PXMP2: variants seen among roughly 807,000 people sequenced by gnomAD.
The protein encoded by PXMP2 is peroxisomal membrane protein 2.
PXMP2 carries 13 observed loss-of-function variants against 20.2 expected under a neutral mutation model. That is an observed-to-expected ratio of 0.64 (90% CI 0.42 to 1.02). PXMP2 has a LOEUF of 1.02. PXMP2 is among the 50% of genes least tolerant of loss of function. The probability of loss-of-function intolerance (pLI) is 0.00; values close to 1 mark genes in which losing one functional copy is unlikely to be tolerated. For missense variants in PXMP2, 284 were observed against 251.8 expected (o/e 1.13, Z -0.87); for synonymous variants, 113 against 111.2 (o/e 1.02, Z -0.10).
chr12:132,698,104 G>A (rs566296744), intron 3 of PXMP2, among the ~76,000 whole-genome samples: 1 of 151,296 alleles, frequency 6.6e-6, no homozygotes, highest in East Asian at 1.9e-4. Flanking sequence ...TTCGCCTCTT[G>A]GGTTCAAGCA....
At chr12:132,703,713 G>A (rs971298559) in intron 4 of PXMP2, among the ~76,000 whole-genome samples, 3 of 152,192 alleles carry the variant, frequency 2.0e-5, no homozygotes, top group Non-Finnish European at 2.9e-5. Context: ...CAGAGACAAA[G>A]ACCTCTGGGC....
intron 1 of PXMP2, chr12:132,688,034 C>CG (rs1340534448): frequency 4.1e-6 from 1 of 241,802 alleles, no homozygotes; most frequent in Non-Finnish European, 7.1e-6. Flanking sequence ...CGCCCAGACC[C>CG]GGGGGTCGGC....
chr12:132,702,237 C>T (rs1452662224), intron 4 of PXMP2, among the ~76,000 whole-genome samples: 1 of 152,256 alleles, frequency 6.6e-6, no homozygotes. Context: ...ATGGCAGCCA[C>T]ACCTGGGCAA....
intron 2 of PXMP2, among the ~76,000 whole-genome samples, chr12:132,694,659 T>G (rs1421638856): frequency 2.2e-3 from 265 of 119,456 alleles, no homozygotes; most frequent in African/African-American, 8.9e-3. Flanking sequence ...GTTAGTGAGC[T>G]CCCTTAGCCA....
chr12:132,687,817 CGCCGCCCCGGCCCCAGGTCG>C, intron 1 of PXMP2, 25 bp downstream of exon 1: 1 of 1,131,564 alleles, frequency 8.8e-7, no homozygotes, highest in South Asian at 4.2e-5. Context: ...GGGAATCGGA[CGCCGCCCCGGCCCCAGGTCG>C]GCCGCAGCGG....
intron 4 of PXMP2, among the ~76,000 whole-genome samples, chr12:132,704,097 A>G (rs903740647): frequency 9.9e-5 from 15 of 152,190 alleles, no homozygotes; most frequent in African/African-American, 3.1e-4. Context: ...AACCAGACAC[A>G]TGGGCTGCTA....
Position 132,701,303 on chromosome 12 carries a change from G to A in PXMP2, c.453G>A (p.Ala151=), listed in dbSNP as rs201941075. The A allele has an allele frequency of 8.1e-6, 13 of 1,612,796 alleles. No individual in the cohort carries two copies. Among genetic ancestry groups the A allele is most frequent in the East Asian group, 2.2e-5 (1 of 44,716 alleles). The part of the protein sequence containing the change: ...AAKMRGGFWP[A]LRMNWRVWTP... ...AGATGAGGGGGGGCTTCTGGCCGGC[G>A]CTGAGGATGAACTGGCGGGTGTGGA... The change falls in exon 4 of 5, where the codon GCG becomes GCA. Residue 151 remains alanine, a synonymous_variant. Coordinates refer to ENST00000317479, the MANE Select transcript of PXMP2 (RefSeq NM_018663.3).
At chr12:132,702,940 A>G (rs2043450999) in intron 4 of PXMP2, among the ~76,000 whole-genome samples, 1 of 152,202 alleles carries the variant, frequency 6.6e-6, no homozygotes, top group South Asian at 2.1e-4. Context: ...GCAGGAAACC[A>G]GGGGTGCACA....
chr12:132,703,768 G>T (rs1256127726), intron 4 of PXMP2, among the ~76,000 whole-genome samples: 1 of 152,194 alleles, frequency 6.6e-6, no homozygotes, highest in Admixed American at 6.5e-5. Context: ...ATCTGGGGAA[G>T]TGAGAAGGCA....
intron 3 of PXMP2, among the ~76,000 whole-genome samples, chr12:132,698,477 C>T (rs1468866029): frequency 6.6e-6 from 1 of 152,170 alleles, no homozygotes; most frequent in Non-Finnish European, 1.5e-5. Context: ...TATGGTTTTA[C>T]TTGTGTACAG....
At chr12:132,704,545 C>A in intron 4 of PXMP2, 74 bp from the exon 5 acceptor site, 2 of 1,195,220 alleles carry the variant, frequency 1.7e-6, no homozygotes, top group African/African-American at 1.6e-5. Flanking sequence ...AACAAATGAA[C>A]TGGGTGACTG....
intron 4 of PXMP2, among the ~76,000 whole-genome samples, chr12:132,704,164 G>A (rs1369002723): frequency 2.0e-5 from 3 of 152,184 alleles, no homozygotes; most frequent in African/African-American, 7.2e-5. Context: ...GGATTCTGGG[G>A]AAGGGTGAAG....
intron 3 of PXMP2, among the ~76,000 whole-genome samples, chr12:132,700,887 T>A (rs1593109416): frequency 6.6e-6 from 1 of 151,822 alleles, no homozygotes; most frequent in Admixed American, 6.6e-5. Flanking sequence ...AAGTTTTGAT[T>A]GGAAAGACAT....
At chr12:132,691,051 ATTT>A (rs35869908) in intron 2 of PXMP2, among the ~76,000 whole-genome samples, 28 of 133,750 alleles carry the variant, frequency 2.1e-4, no homozygotes, top group Non-Finnish European at 4.2e-4. Context: ...TGTTATTTTA[ATTT>A]TTTTTTTTTT....
At position 132,696,960 on chromosome 12, in the gene PXMP2, G is replaced by T. The variant is rs1014485479; in HGVS notation, c.399+914G>T. On this transcript the variant is annotated intron_variant, in intron 3 of 4. Transcript: ENST00000317479. The surrounding 1 kb of genome is among the most constrained non-coding windows in gnomAD (Gnocchi z 4.4). The stretch of plus-strand genomic sequence containing the variant: ...ACTGCACTCCAGTCTGGGCAACAGA[G>T]CAAGACTCTGCCTCAAAAAAAAAAG... Among the ~76,000 whole-genome samples the T allele has an allele frequency of 2.0e-5, 3 of 151,410 alleles. No homozygotes were observed. The highest frequency in any genetic ancestry group is 4.4e-5 in the Non-Finnish European group (3 of 67,930).
intron 3 of PXMP2, among the ~76,000 whole-genome samples, chr12:132,697,932 C>T (rs2043419035): frequency 6.6e-6 from 1 of 152,136 alleles, no homozygotes; most frequent in Non-Finnish European, 1.5e-5. Flanking sequence ...GTCCCACCTC[C>T]CCCGTTCACG....
At chr12:132,697,030 G>A (rs186588476) in intron 3 of PXMP2, among the ~76,000 whole-genome samples, 136 of 152,126 alleles carry the variant, frequency 8.9e-4, no homozygotes, top group Non-Finnish European at 1.5e-3. Flanking sequence ...GTGCACACCT[G>A]TAATCCCAGC....
chr12:132,693,501 T>TA (rs1374542347), intron 2 of PXMP2, among the ~76,000 whole-genome samples: 4 of 81,934 alleles, frequency 4.9e-5, no homozygotes, highest in Non-Finnish European at 1.0e-4. Flanking sequence ...TGAGCTCCCT[T>TA]GCCAGTTAGT....
Position 132,704,930 on chromosome 12 carries a change from A to G in PXMP2, c.*243A>G. ...CTTAAAATTTAGTCGAGGCAGTTTC[A>G]ATTGTTACTGTGGACCGAATTAGGA... On this transcript the variant is annotated 3_prime_UTR_variant, in exon 5 of 5. Transcript: ENST00000317479. The G allele has an allele frequency of 3.6e-6, 2 of 559,654 alleles. No homozygotes were observed. Among genetic ancestry groups the G allele is most frequent in the Non-Finnish European group, 6.4e-6 (2 of 313,200 alleles). 34.7% of individuals were successfully genotyped at this position (559,654 alleles called of 1,614,324 possible). A position where few individuals can be genotyped will look rare whatever the true frequency, so the allele number is the denominator to read the frequency against.
Sources: gnomAD v4.1 joint callset for allele counts (sites outside exome capture counted in the v4.1 genomes callset) on GRCh38, gnomAD v4.1.1 for gene constraint, Gnocchi (gnomAD v3.1) non-coding constraint, MANE v1.5 for transcripts, NCBI Gene and HGNC (gene_info 2026-07-23, HGNC 2026-07-21) for gene names.